Variants in GADL1 observed in about 807,000 individuals in gnomAD.
GADL1 encodes acidic amino acid decarboxylase GADL1.
GADL1 carries 71 observed loss-of-function variants against 69.5 expected under a neutral mutation model. That is an observed-to-expected ratio of 1.02 (90% CI 0.84 to 1.25). The LOEUF is 1.25. Among genes scored for constraint, GADL1 ranks in the 50% most tolerant of loss-of-function variants. GADL1 has a pLI of 0.00. For missense variants in GADL1, 737 were observed against 631.8 expected, an observed-to-expected ratio of 1.17 and a Z score of -1.79; for synonymous variants, 254 against 214.4, an observed-to-expected ratio of 1.18 and a Z score of -1.62.
intron 14 of GADL1, among the ~76,000 whole-genome samples, chr3:30,743,110 T>C (rs1362078935): frequency 6.6e-6 from 1 of 152,098 alleles, no homozygotes; most frequent in Non-Finnish European, 1.5e-5. Flanking sequence ...TTTTGTGGCT[T>C]CCTGAAATAA....
chr3:30,798,970 G>C (rs549345626), intron 12 of GADL1: 1 of 152,372 alleles, frequency 6.6e-6, no homozygotes, highest in African/African-American at 2.4e-5. Flanking sequence ...GATGCAAGAG[G>C]TGGGTTCCCA....
At chr3:30,876,037 T>G (rs1393905646) in intron 1 of GADL1, among the ~76,000 whole-genome samples, 2 of 151,976 alleles carry the variant, frequency 1.3e-5, no homozygotes, top group African/African-American at 4.8e-5. Flanking sequence ...AATTCTCCCT[T>G]ATGAATGTTT....
intron 11 of GADL1, among the ~76,000 whole-genome samples, chr3:30,821,794 A>G (rs1240859542): frequency 6.6e-6 from 1 of 151,842 alleles, no homozygotes; most frequent in Non-Finnish European, 1.5e-5. Context: ...TTCTGAAGCT[A>G]TAATGATTAC....
At chr3:30,880,178 T>C (rs1698624510) in intron 1 of GADL1, among the ~76,000 whole-genome samples, 1 of 151,912 alleles carries the variant, frequency 6.6e-6, no homozygotes, top group Admixed American at 6.6e-5. Context: ...ACAATGACAG[T>C]GCAATAAAAA....
chr3:30,785,282 C>A (rs528632675), intron 13 of GADL1, among the ~76,000 whole-genome samples: 1 of 152,080 alleles, frequency 6.6e-6, no homozygotes, highest in Non-Finnish European at 1.5e-5. Context: ...ATTGGGGGAC[C>A]TTTTCTGTTT....
At chr3:30,764,417 A>G (rs1373231242) in intron 14 of GADL1, among the ~76,000 whole-genome samples, 2 of 152,212 alleles carry the variant, frequency 1.3e-5, no homozygotes, top group East Asian at 1.9e-4. Flanking sequence ...CGAAACTACA[A>G]GACTCCAGTG....
At chr3:30,816,541 T>TAA (rs1559507850) in intron 11 of GADL1, among the ~76,000 whole-genome samples, 2 of 62,254 alleles carry the variant, frequency 3.2e-5, no homozygotes, top group African/African-American at 1.4e-4. Context: ...TTTTTTTTTT[T>TAA]TTTTTTTTTT....
At chr3:30,781,278 C>G (rs954265200) in intron 13 of GADL1, among the ~76,000 whole-genome samples, 2 of 152,136 alleles carry the variant, frequency 1.3e-5, no homozygotes, top group African/African-American at 4.8e-5. Context: ...TTATCAATTT[C>G]AGGAAGAATT....
intron 14 of GADL1, among the ~76,000 whole-genome samples, chr3:30,731,238 C>A (rs1695452461): frequency 1.3e-5 from 2 of 152,190 alleles, no homozygotes; most frequent in Non-Finnish European, 2.9e-5. Context: ...CTTCGTCCTC[C>A]AGGTACCCAG....
At chr3:30,754,789 T>C (rs1695925818) in intron 14 of GADL1, among the ~76,000 whole-genome samples, 1 of 152,180 alleles carries the variant, frequency 6.6e-6, no homozygotes. Context: ...GAAGATGTAA[T>C]TACCCAGCAT....
chr3:30,818,291 T>A (rs1407663418), intron 11 of GADL1, among the ~76,000 whole-genome samples: 1 of 152,214 alleles, frequency 6.6e-6, no homozygotes, highest in Non-Finnish European at 1.5e-5. Flanking sequence ...TCGTGAGAAC[T>A]TAAAAGCAAA....
At chr3:30,791,283 C>T (rs528598033) in intron 12 of GADL1, among the ~76,000 whole-genome samples, 5 of 152,284 alleles carry the variant, frequency 3.3e-5, no homozygotes, top group African/African-American at 1.2e-4. Context: ...TACTGGCAAT[C>T]TGTTAACTCA....
chr3:30,871,778 T>C (rs1398956055), intron 1 of GADL1, among the ~76,000 whole-genome samples: 2 of 151,738 alleles, frequency 1.3e-5, no homozygotes, highest in African/African-American at 4.8e-5. Context: ...ATAAACACCA[T>C]CCAGCTTCTG....
At chr3:30,860,450 T>C (rs910327442) in intron 2 of GADL1, among the ~76,000 whole-genome samples, 1 of 151,842 alleles carries the variant, frequency 6.6e-6, no homozygotes, top group African/African-American at 2.4e-5. Flanking sequence ...GTAAAGCAGA[T>C]CCAAAGTATT....
chr3:30,821,422 C>G (rs114205377), intron 11 of GADL1, among the ~76,000 whole-genome samples: 33 of 151,864 alleles, frequency 2.2e-4, no homozygotes, highest in Non-Finnish European at 4.9e-4. Context: ...TTTTTATACA[C>G]ACGGCAGAGG....
intron 13 of GADL1, among the ~76,000 whole-genome samples, chr3:30,782,150 T>C (rs1388067397): frequency 6.6e-6 from 1 of 152,184 alleles, no homozygotes. Flanking sequence ...ACTTCTCGTA[T>C]GATGTACTTG....
At chr3:30,888,982 C>T (rs1370633202) in intron 1 of GADL1, among the ~76,000 whole-genome samples, 1 of 145,968 alleles carries the variant, frequency 6.9e-6, no homozygotes, top group African/African-American at 2.5e-5. Context: ...AAAGTTTACT[C>T]ATTCATACCT....
chr3:30,827,416 C>A (rs1183948606), intron 11 of GADL1, among the ~76,000 whole-genome samples: 1 of 151,418 alleles, frequency 6.6e-6, no homozygotes, highest in Admixed American at 6.6e-5. Context: ...GGGCCACAGT[C>A]AGCAATAGAA....
intron 1 of GADL1, among the ~76,000 whole-genome samples, chr3:30,868,981 C>T (rs561933988): frequency 3.8e-4 from 57 of 151,464 alleles, no homozygotes; most frequent in African/African-American, 1.3e-3. Flanking sequence ...TAGGCCGGTC[C>T]AAGAGAGTCT....
Sources: allele counts gnomAD v4.1 joint callset (sites outside exome capture counted in the v4.1 genomes callset), GRCh38; gene constraint gnomAD v4.1.1; transcripts MANE v1.5; gene names NCBI Gene and HGNC (gene_info 2026-07-23, HGNC 2026-07-21).